Variants in SDK1 observed in about 807,000 individuals in gnomAD.
SDK1 encodes sidekick cell adhesion molecule 1.
Under a neutral mutation model 245.5 loss-of-function variants are expected in SDK1, and 157 were observed. The ratio of observed to expected loss-of-function variants is 0.64; its 90% CI spans 0.56 to 0.73. SDK1 has a LOEUF of 0.73. SDK1 is among the 30% of genes least tolerant of loss of function. The probability of loss-of-function intolerance (pLI) is 0.00; values close to 1 mark genes in which losing one functional copy is unlikely to be tolerated. For missense variants in SDK1, 3,583 were observed against 3,002.3 expected (o/e 1.19, Z -4.52); for synonymous variants, 1,647 against 1,278.5 (o/e 1.29, Z -6.15).
chr7:4,242,701 C>T (rs999188670), intron 43 of SDK1, among the ~76,000 whole-genome samples: 10 of 152,204 alleles, frequency 6.6e-5, no homozygotes, highest in Admixed American at 2.0e-4. Flanking sequence ...GCCAGACTCA[C>T]CTTGGATTAG....
rs561330510 is a variant in SDK1 at position 3,848,022 on chromosome 7, T to G, written c.847+26439T>G. On this transcript the variant is annotated intron_variant, in intron 5 of 44. Coordinates refer to ENST00000404826, the MANE Select transcript of SDK1 (RefSeq NM_152744.4). ...CGTATCACATCTACCCATACACACATGTGCATATGTGCACAAGCACATACA... is the reference window on the plus strand; with the variant it reads ...CGTATCACATCTACCCATACACACAGGTGCATATGTGCACAAGCACATACA... 2.6e-5 allele frequency among the ~76,000 whole-genome samples: 4 copies of G among 152,338 alleles called. No individual in the cohort carries two copies. In the South Asian group the frequency reaches 8.3e-4, roughly 32 times the overall value.
At chr7:3,365,981 A>G (rs755684968) in intron 1 of SDK1, among the ~76,000 whole-genome samples, 27 of 151,924 alleles carry the variant, frequency 1.8e-4, no homozygotes, top group African/African-American at 5.3e-4. Context: ...AGAGGTTGCA[A>G]TGAGCCGAGA....
chr7:4,255,914 CTTTTTTTTTTT>C (rs34810935), intron 44 of SDK1, among the ~76,000 whole-genome samples: 2 of 104,102 alleles, frequency 1.9e-5, no homozygotes, highest in Non-Finnish European at 1.8e-5. Context: ...TTTCCAAATA[CTTTTTTTTTTT>C]TTTTTTTTTT....
At chr7:3,390,467 G>A (rs1217383759) in intron 1 of SDK1, among the ~76,000 whole-genome samples, 1 of 152,110 alleles carries the variant, frequency 6.6e-6, no homozygotes, top group East Asian at 1.9e-4. Context: ...TTCCTATACC[G>A]AGTTAAATAG....
chr7:3,630,584 C>T (rs1452593465), intron 2 of SDK1, among the ~76,000 whole-genome samples: 2 of 151,954 alleles, frequency 1.3e-5, no homozygotes, highest in African/African-American at 4.8e-5. Context: ...TGCAGTGAGC[C>T]GAGATTGTGC....
chr7:4,266,950 C>T lies in SDK1; in HGVS notation c.*1566C>T, dbSNP rs888853806. 5.1e-6 allele frequency: 5 copies of T among 985,312 alleles called. No homozygotes were observed. The highest frequency in any genetic ancestry group is 6.1e-5 in the Admixed American group (1 of 16,264). The allele number at this position is 985,312 out of a possible 1,614,324, so 61.0% of individuals were successfully genotyped here. ...ACAACTGAGCAGTATCTGACCAGTGCCACCCAGGAGCCAGTCTCCTGGCCA... is the reference window on the plus strand; with the variant it reads ...ACAACTGAGCAGTATCTGACCAGTGTCACCCAGGAGCCAGTCTCCTGGCCA... On this transcript the variant is annotated 3_prime_UTR_variant, in exon 45 of 45. Transcript: ENST00000404826.
chr7:4,101,026 C>T (rs977286855), intron 22 of SDK1, among the ~76,000 whole-genome samples: 1 of 152,228 alleles, frequency 6.6e-6, no homozygotes, highest in Admixed American at 6.5e-5. Flanking sequence ...ACAGGGGTCT[C>T]CTTTAGGCCA....
At chr7:3,832,050 C>G (rs192357890) in intron 5 of SDK1, among the ~76,000 whole-genome samples, 1 of 152,076 alleles carries the variant, frequency 6.6e-6, no homozygotes, top group Non-Finnish European at 1.5e-5. Flanking sequence ...GACCCTGTCT[C>G]TTAAAATAAT....
intron 4 of SDK1, among the ~76,000 whole-genome samples, chr7:3,712,626 G>T (rs1022781563): frequency 8.5e-5 from 13 of 152,194 alleles, no homozygotes; most frequent in African/African-American, 3.1e-4. Flanking sequence ...ATATTGTCAT[G>T]TTGTTTTAAA....
At position 4,148,839 on chromosome 7, in the gene SDK1, C is replaced by T. The variant is rs560241848; in HGVS notation, c.4424-423C>T. On this transcript the variant is annotated intron_variant, in intron 29 of 44. Coordinates refer to ENST00000404826, the MANE Select transcript of SDK1 (RefSeq NM_152744.4). Reference sequence around the variant, plus strand: ...TTGGGAGGCCGAGGCAGGCGGATCACGAGGTCAAGAGATCAAGACCATCCT... The same window carrying T: ...TTGGGAGGCCGAGGCAGGCGGATCATGAGGTCAAGAGATCAAGACCATCCT... 3.3e-5 allele frequency among the ~76,000 whole-genome samples: 5 copies of T among 152,302 alleles called. No homozygotes were observed. In the South Asian group the frequency reaches 8.3e-4, roughly 25 times the overall value.
At chr7:4,068,175 C>T (rs1780020744) in intron 20 of SDK1, among the ~76,000 whole-genome samples, 1 of 152,174 alleles carries the variant, frequency 6.6e-6, no homozygotes, top group Admixed American at 6.5e-5. Flanking sequence ...GAGATCTGTT[C>T]TCCTCGCATG....
intron 5 of SDK1, among the ~76,000 whole-genome samples, chr7:3,843,469 CTCTT>C (rs1390524475): frequency 2.6e-5 from 4 of 152,226 alleles, no homozygotes; most frequent in Non-Finnish European, 1.5e-5. Context: ...TAGGACTTGA[CTCTT>C]TCTTCCTCAA....
chr7:3,451,131 A>T (rs1780499954), intron 1 of SDK1, among the ~76,000 whole-genome samples: 1 of 152,070 alleles, frequency 6.6e-6, no homozygotes, highest in Non-Finnish European at 1.5e-5. Flanking sequence ...CTGGGAGATG[A>T]TGTAGGGCTG....
chr7:4,205,574 G>C (rs1288746316), intron 35 of SDK1, among the ~76,000 whole-genome samples: 1 of 152,114 alleles, frequency 6.6e-6, no homozygotes. Flanking sequence ...ACTGTATCTC[G>C]GTATAATTAT....
At chr7:3,824,029 G>T (rs1163138489) in intron 5 of SDK1, among the ~76,000 whole-genome samples, 1 of 146,840 alleles carries the variant, frequency 6.8e-6, no homozygotes, top group Non-Finnish European at 1.5e-5. Flanking sequence ...TGATTAATCT[G>T]CAGAATCCCC....
At chr7:4,176,251 C>CAGGCAGGGGGA (rs1331519850) in intron 34 of SDK1, among the ~76,000 whole-genome samples, 1 of 151,620 alleles carries the variant, frequency 6.6e-6, no homozygotes, top group Non-Finnish European at 1.5e-5. Context: ...CAGCCTTGAA[C>CAGGCAGGGGGA]TCCTGGCTCA....
chr7:3,843,233 C>T (rs1017525173), intron 5 of SDK1, among the ~76,000 whole-genome samples: 7 of 152,190 alleles, frequency 4.6e-5, no homozygotes, highest in Non-Finnish European at 8.8e-5. Context: ...GAACCACTTT[C>T]CTCAACTGTT....
chr7:3,416,989 A>G lies in SDK1; in HGVS notation c.298+115105A>G, dbSNP rs546720305. On this transcript the variant is annotated intron_variant, in intron 1 of 44. Coordinates refer to ENST00000404826, the MANE Select transcript of SDK1 (RefSeq NM_152744.4). ...GGAGTTCAAGACCAGTCTGGCCAAC[A>G]TGGTGAAACACTGTCTCTACTAAAA... Among the ~76,000 whole-genome samples, 3 of 152,238 alleles carry G rather than the reference A, an allele frequency of 2.0e-5. No homozygotes were observed. The South Asian group carries it at 6.2e-4, about 32-fold the overall frequency.
chr7:4,218,302 A>AGAATC (rs1784948357), intron 38 of SDK1, among the ~76,000 whole-genome samples: 1 of 152,160 alleles, frequency 6.6e-6, no homozygotes, highest in African/African-American at 2.4e-5. Flanking sequence ...CTAAGGCAGG[A>AGAATC]GAATCGCTTG....
Sources: allele counts gnomAD v4.1 joint callset (sites outside exome capture counted in the v4.1 genomes callset), GRCh38; gene constraint gnomAD v4.1.1; transcripts MANE v1.5; gene names NCBI Gene and HGNC (gene_info 2026-07-23, HGNC 2026-07-21).